Variants in ZSCAN25 observed in about 807,000 individuals in gnomAD.
ZSCAN25 encodes zinc finger and SCAN domain containing 25, also known as zinc finger and SCAN domain-containing protein 25.
A neutral mutation model predicts 38.7 loss-of-function variants in ZSCAN25; 27 were observed. The ratio of observed to expected loss-of-function variants is 0.70; its 90% CI spans 0.51 to 0.96. The LOEUF (loss-of-function observed/expected upper bound fraction) is 0.96, where lower values mean the gene tolerates loss of function less well. ZSCAN25 is among the 40% of genes least tolerant of loss of function. The pLI, the probability that ZSCAN25 is intolerant of heterozygous loss-of-function variation, is 0.00. For missense variants in ZSCAN25, 637 were observed against 705.9 expected, an observed-to-expected ratio of 0.90 and a Z score of 1.11; for synonymous variants, 273 against 277.7, an observed-to-expected ratio of 0.98 and a Z score of 0.17.
chr7:99,690,179 G>C, the ZSCAN25 span, among the ~76,000 whole-genome samples: 1 of 151,866 alleles, frequency 6.6e-6, no homozygotes, highest in Non-Finnish European at 1.5e-5. Flanking sequence ...TGACAAACCT[G>C]ACAAAAGCAA....
At position 99,630,346 on chromosome 7, in the gene ZSCAN25, C is replaced by A. The variant is rs115725210; in HGVS notation, c.*326C>A. On this transcript the variant is annotated 3_prime_UTR_variant, in exon 8 of 8. Transcript: ENST00000394152. ...TGGGAGTAAAGGCAAAACCTTGACACGTGTTGGTAGCTGGGACCTCATCTT... is the reference window on the plus strand; with the variant it reads ...TGGGAGTAAAGGCAAAACCTTGACAAGTGTTGGTAGCTGGGACCTCATCTT... 3.6e-6 allele frequency: 4 copies of A among 1,106,504 alleles called. No individual in the cohort carries two copies. In the African/African-American group the frequency reaches 4.9e-5, roughly 14 times the overall value. The allele number at this position is 1,106,504 out of a possible 1,614,324, so 68.5% of individuals were successfully genotyped here.
chr7:99,650,439 A>G, the ZSCAN25 span, among the ~76,000 whole-genome samples: 1 of 152,134 alleles, frequency 6.6e-6, no homozygotes, highest in Non-Finnish European at 1.5e-5. Context: ...TCCATACCCT[A>G]TAGGAGCGTT....
chr7:99,647,628 A>T, the ZSCAN25 span: 4 of 985,460 alleles, frequency 4.1e-6, no homozygotes, highest in Non-Finnish European at 4.8e-6. Context: ...TACAAAAAAT[A>T]TGTTCTTCAA....
At chr7:99,693,667 T>G in the ZSCAN25 span, among the ~76,000 whole-genome samples, 1 of 152,246 alleles carries the variant, frequency 6.6e-6, no homozygotes, top group African/African-American at 2.4e-5. Flanking sequence ...GATCTCAGAC[T>G]GCTGCACTAG....
chr7:99,660,138 A>G, the ZSCAN25 span: 3 of 787,122 alleles, frequency 3.8e-6, no homozygotes, highest in Non-Finnish European at 4.6e-6. Context: ...TGCAGAAATC[A>G]TTCGTCTTCT....
the ZSCAN25 span, chr7:99,715,901 A>G: frequency 1.2e-6 from 2 of 1,613,776 alleles, no homozygotes; most frequent in Non-Finnish European, 1.7e-6. Context: ...GTAGGCCCCA[A>G]AGACGCTGAG....
rs756808843 is a variant in ZSCAN25, at chr7:99,619,875, TC to T, written c.271del (p.Leu91SerfsTer30). On this transcript the variant is annotated frameshift_variant, in exon 4 of 8. Transcript: ENST00000394152. LOFTEE classifies it high-confidence loss of function. ...CTGGAGCTGCTGGTGCTGGAGCAGT[TC>T]CTCACTATCCTGCCCCGCGAGTTCT... ...QILELLVLEQ[F>X]LTILPREFYA... 1 of 1,614,180 alleles carries T rather than the reference TC, an allele frequency of 6.2e-7. No individual in the cohort carries two copies. The highest frequency in any genetic ancestry group is 8.5e-7 in the Non-Finnish European group (1 of 1,180,038).
At chr7:99,650,591 T>G in the ZSCAN25 span, among the ~76,000 whole-genome samples, 3 of 152,168 alleles carry the variant, frequency 2.0e-5, no homozygotes, top group African/African-American at 7.2e-5. Context: ...CTGCCTCAAC[T>G]CACACTTGTG....
chr7:99,712,780 G>T, the ZSCAN25 span, among the ~76,000 whole-genome samples: 1 of 152,148 alleles, frequency 6.6e-6, no homozygotes, highest in Non-Finnish European at 1.5e-5. Context: ...TGACATGATT[G>T]CCAAATCTTG....
intron 6 of ZSCAN25, among the ~76,000 whole-genome samples, chr7:99,623,317 CTT>C (rs1426909171): frequency 2.6e-5 from 4 of 152,204 alleles, no homozygotes; most frequent in African/African-American, 9.7e-5. Flanking sequence ...AGGGTGGTCT[CTT>C]TGGCCATACA....
chr7:99,621,600 T>C, intron 5 of ZSCAN25, 26 bp downstream of exon 5: 2 of 1,354,402 alleles, frequency 1.5e-6, no homozygotes, highest in South Asian at 2.0e-5. Flanking sequence ...ATAGTGGGGA[T>C]GTCAGGTCAT....
At chr7:99,676,252 ATAG>A in the ZSCAN25 span, 1 of 1,611,186 alleles carries the variant, frequency 6.2e-7, no homozygotes, top group Non-Finnish European at 8.5e-7. Context: ...TTGTGACTTT[ATAG>A]ATCAGAGGGC....
the ZSCAN25 span, among the ~76,000 whole-genome samples, chr7:99,656,921 G>C: frequency 6.6e-6 from 1 of 152,050 alleles, no homozygotes; most frequent in Non-Finnish European, 1.5e-5. Flanking sequence ...TGGGATGGGT[G>C]GTGATATCCC....
chr7:99,688,226 C>A, the ZSCAN25 span, among the ~76,000 whole-genome samples: 11 of 151,984 alleles, frequency 7.2e-5, no homozygotes, highest in Non-Finnish European at 1.5e-4. Flanking sequence ...CACAGATGGG[C>A]AAATTAGATA....
chr7:99,710,763 T>C, the ZSCAN25 span: 1 of 1,613,950 alleles, frequency 6.2e-7, no homozygotes, highest in South Asian at 1.1e-5. Context: ...AATTTCCTTC[T>C]GCACTTTCTG....
In ZSCAN25 at chr7:99,629,186, T is replaced by C. The variant is rs1404712745; in HGVS notation, c.806-5T>C. The C allele has an allele frequency of 6.2e-7, 1 of 1,603,862 alleles. No homozygotes were observed. The highest frequency in any genetic ancestry group is 1.3e-5 in the African/African-American group (1 of 74,420). On this transcript the variant is annotated splice_region_variant and splice_polypyrimidine_tract_variant and intron_variant, in intron 7 of 7. Coordinates refer to ENST00000394152, the MANE Select transcript of ZSCAN25 (RefSeq NM_145115.3). This position sits in a 1 kb window ranked among gnomAD's most constrained non-coding sequence, Gnocchi z 5.6. ...AATCAATCTTTATCTCCTCCTGTCC[T>C]GTAGGCGGTGGGAGCAAGGAAAAGG... is the stretch of plus-strand genomic sequence containing the variant.
At chr7:99,692,615 A>T in the ZSCAN25 span, among the ~76,000 whole-genome samples, 102 of 151,596 alleles carry the variant, frequency 6.7e-4, 1 homozygote, top group African/African-American at 2.3e-3. Context: ...TTTTTCTCTA[A>T]TCTTGTCTTC....
intron 6 of ZSCAN25, among the ~76,000 whole-genome samples, chr7:99,622,893 G>A (rs375995738): frequency 2.6e-5 from 4 of 152,310 alleles, no homozygotes; most frequent in African/African-American, 7.2e-5. Flanking sequence ...TGCAGGCTCC[G>A]CCTCCTGGGT....
chr7:99,723,542 G>C, the ZSCAN25 span, among the ~76,000 whole-genome samples: 1 of 152,158 alleles, frequency 6.6e-6, no homozygotes. Context: ...CACAAAGACT[G>C]TTTGGTGGTC....
Sources: allele counts gnomAD v4.1 joint callset (sites outside exome capture counted in the v4.1 genomes callset), GRCh38; gene constraint gnomAD v4.1.1; non-coding constraint Gnocchi (gnomAD v3.1); transcripts MANE v1.5; gene names NCBI Gene and HGNC (gene_info 2026-07-23, HGNC 2026-07-21).